CYP24A1: variants seen among roughly 807,000 people sequenced by gnomAD.
The protein encoded by CYP24A1 is cytochrome P450 family 24 subfamily A member 1.
A neutral mutation model predicts 62.4 loss-of-function variants in CYP24A1; 68 were observed. That is an observed-to-expected ratio of 1.09 (90% CI 0.90 to 1.33). The LOEUF (loss-of-function observed/expected upper bound fraction) is 1.33, where lower values mean the gene tolerates loss of function less well. Ranked by LOEUF, CYP24A1 falls within the 40% of genes most tolerant of loss-of-function variation. The probability of loss-of-function intolerance (pLI) is 0.00; values close to 1 mark genes in which losing one functional copy is unlikely to be tolerated. For missense variants in CYP24A1, 787 were observed against 653.0 expected (o/e 1.21, Z -2.24); for synonymous variants, 267 against 253.0 (o/e 1.06, Z -0.52).
chr20:54,161,288 G>A (rs938653013), intron 7 of CYP24A1, among the ~76,000 whole-genome samples: 3 of 152,182 alleles, frequency 2.0e-5, no homozygotes, highest in Non-Finnish European at 4.4e-5. Flanking sequence ...TTATTCCAGA[G>A]TCAGCTCCAG....
intron 3 of CYP24A1, among the ~76,000 whole-genome samples, chr20:54,171,309 TTC>T: frequency 6.6e-6 from 1 of 151,862 alleles, no homozygotes; most frequent in African/African-American, 2.4e-5. Flanking sequence ...AAAGCTGGGG[TTC>T]AAATCCAGGG....
intron 2 of CYP24A1, among the ~76,000 whole-genome samples, chr20:54,172,540 T>C (rs1408242425): frequency 1.3e-5 from 2 of 152,196 alleles, no homozygotes; most frequent in Admixed American, 1.3e-4. Flanking sequence ...CAGGGAGTTT[T>C]AAGGGATAAT....
At chr20:54,169,555 T>C (rs2146501842) in intron 4 of CYP24A1, 37 bp downstream of exon 4, 1 of 1,613,780 alleles carries the variant, frequency 6.2e-7, no homozygotes, top group East Asian at 2.2e-5. Flanking sequence ...CAAAATCACC[T>C]GCAAAATCAG....
chr20:54,168,991 G>A (rs371752782), intron 4 of CYP24A1, among the ~76,000 whole-genome samples: 27 of 151,798 alleles, frequency 1.8e-4, no homozygotes, highest in Non-Finnish European at 3.1e-4. Flanking sequence ...TCAGCGTCCC[G>A]GGGTCAAGCA....
downstream of CYP24A1, among the ~76,000 whole-genome samples, chr20:54,151,668 G>T (rs1222800945): frequency 6.6e-6 from 1 of 151,954 alleles, no homozygotes; most frequent in African/African-American, 2.4e-5. Context: ...TGCCTCAGGA[G>T]AATCTGCCTT....
chr20:54,166,115 G>A (rs1045471382), intron 4 of CYP24A1, among the ~76,000 whole-genome samples: 1 of 152,102 alleles, frequency 6.6e-6, no homozygotes, highest in African/African-American at 2.4e-5. Flanking sequence ...GAGATCCAGG[G>A]GCCCTAGCAA....
At chr20:54,157,126 T>C in intron 11 of CYP24A1, 43 bp downstream of exon 11, 1 of 959,830 alleles carries the variant, frequency 1.0e-6, no homozygotes, top group Non-Finnish European at 1.7e-6. Flanking sequence ...CCCTCGTCAT[T>C]CTCACTACCT....
chr20:54,143,574 A>G, the CYP24A1 span, among the ~76,000 whole-genome samples: 1 of 152,100 alleles, frequency 6.6e-6, no homozygotes, highest in Non-Finnish European at 1.5e-5. Context: ...TTTTATTTCC[A>G]TAGGTTTTTG....
rs2092636569 is a variant in CYP24A1, at chr20:54,158,147, G to GGTAC, written c.1171_1174dup (p.Pro392ArgfsTer9). 1 of 1,613,960 alleles carries GGTAC rather than the reference G, an allele frequency of 6.2e-7. No individual in the cohort carries two copies. Among genetic ancestry groups the GGTAC allele is most frequent in the Admixed American group, 1.7e-5 (1 of 60,026 alleles). ...CTTGTCAAGAGTCCGAGTTGTAAAT[G>GGTAC]GTACACTCGGCGTAAGCCTGAAAAG... On this transcript the variant is annotated frameshift_variant, in exon 9 of 12. Transcript: ENST00000216862. LOFTEE classifies it high-confidence loss of function.
intron 11 of CYP24A1, 92 bp from the exon 12 acceptor site, chr20:54,154,853 G>A (rs1453526886): frequency 6.8e-6 from 1 of 146,018 alleles, no homozygotes; most frequent in Non-Finnish European, 1.5e-5. Flanking sequence ...GTTGTATGGT[G>A]TGGTGTTTGA....
At position 54,158,131 on chromosome 20, in the gene CYP24A1, A is replaced by C. The variant is rs781092271; in HGVS notation, c.1191T>G (p.Thr397=). The stretch of plus-strand genomic sequence containing the variant: ...CACCCAGAACTGTTGCCTTGTCAAG[A>C]GTCCGAGTTGTAAATGGTACACTCG... ...LTPSVPFTTR[T]LDKATVLGEY... Residue 397 remains threonine, a synonymous_variant, in exon 9 of 12, where the codon ACT becomes ACG. Transcript: ENST00000216862. 1 of 1,614,098 alleles carries C rather than the reference A, an allele frequency of 6.2e-7. No homozygotes were observed.
intron 7 of CYP24A1, among the ~76,000 whole-genome samples, chr20:54,160,627 A>G (rs1487435309): frequency 6.6e-6 from 1 of 152,238 alleles, no homozygotes; most frequent in Non-Finnish European, 1.5e-5. Context: ...TCTAATTTAC[A>G]AAACAGGAAG....
rs757992155 is a variant in CYP24A1 at position 54,173,622 on chromosome 20, G to A, written c.-43C>T. The A allele has an allele frequency of 2.0e-6, 3 of 1,479,494 alleles. No homozygotes were observed. In the South Asian group the frequency reaches 3.6e-5, roughly 18 times the overall value. 91.6% of individuals were successfully genotyped at this position (1,479,494 alleles called of 1,614,324 possible). A position where few individuals can be genotyped will look rare whatever the true frequency, so the allele number is the denominator to read the frequency against. Reference sequence around the variant, plus strand: ...GAGCGCGGGAAGGCAGGAGGATGGGGTGGGGCGAGGTTGGTACGAGGTGCT... The same window carrying A: ...GAGCGCGGGAAGGCAGGAGGATGGGATGGGGCGAGGTTGGTACGAGGTGCT... On this transcript the variant is annotated 5_prime_UTR_variant, in exon 1 of 12. Transcript: ENST00000216862. The surrounding 1 kb of genome is among the most constrained non-coding windows in gnomAD (Gnocchi z 7.2).
chr20:54,162,237 T>TTG (rs2092653635), intron 7 of CYP24A1, among the ~76,000 whole-genome samples: 1 of 133,572 alleles, frequency 7.5e-6, no homozygotes, highest in Non-Finnish European at 1.7e-5. Context: ...TTTTTTTTTT[T>TTG]TTTTTTTTTT....
rs1340834453 is a variant in CYP24A1 at position 54,153,987 on chromosome 20, A to C, written c.*785T>G. 1 of 152,166 alleles carries C rather than the reference A, an allele frequency of 6.6e-6. No individual in the cohort carries two copies. The highest frequency in any genetic ancestry group is 1.5e-5 in the Non-Finnish European group (1 of 68,032). The allele number at this position is 152,166 out of a possible 1,614,324, so 9.4% of individuals were successfully genotyped here. ...AACATTGCCCTGCACCACAGATCCT[A>C]AATCAAGTACTGCAAATATTAAAAA... On this transcript the variant is annotated 3_prime_UTR_variant, in exon 12 of 12. Coordinates refer to ENST00000216862, the MANE Select transcript of CYP24A1 (RefSeq NM_000782.5).
intron 6 of CYP24A1, 90 bp from the exon 7 acceptor site, chr20:54,162,952 G>T: frequency 1.3e-6 from 1 of 786,166 alleles, no homozygotes; most frequent in Non-Finnish European, 2.3e-6. Flanking sequence ...ACTCCTTCTT[G>T]CAATATCTAA....
chr20:54,149,563 T>G (rs933354349), downstream of CYP24A1, among the ~76,000 whole-genome samples: 3 of 151,552 alleles, frequency 2.0e-5, no homozygotes, highest in Non-Finnish European at 4.4e-5. Context: ...AAGGAGGAAA[T>G]GGAGAGATCA....
intron 4 of CYP24A1, among the ~76,000 whole-genome samples, chr20:54,168,294 A>T (rs2092679723): frequency 6.6e-6 from 1 of 152,130 alleles, no homozygotes; most frequent in Admixed American, 6.5e-5. Flanking sequence ...CTTTATTTCC[A>T]GAGTAATCTT....
rs35873579 is a variant in CYP24A1, at chr20:54,171,651, G to T, written c.469C>A (p.Arg157=). Residue 157 remains arginine, a synonymous_variant, in exon 3 of 12, where the codon CGG becomes AGG. Transcript: ENST00000216862. ...LLILEGEDWQ[R]VRSAFQKKLM... ...TTCTTTTGAAAGGCACTCCGGACCCGCTGCCAGTCTTCCCCTTCCCTGTGA... is the reference window on the plus strand; with the variant it reads ...TTCTTTTGAAAGGCACTCCGGACCCTCTGCCAGTCTTCCCCTTCCCTGTGA... 0.022 allele frequency: 36,007 copies of T among 1,613,754 alleles called. 486 individuals are homozygous for T. The highest frequency in any genetic ancestry group is 0.034 in the Middle Eastern group (203 of 6,056).
Sources: gnomAD v4.1 joint callset for allele counts (sites outside exome capture counted in the v4.1 genomes callset) on GRCh38, gnomAD v4.1.1 for gene constraint, Gnocchi (gnomAD v3.1) non-coding constraint, MANE v1.5 for transcripts, NCBI Gene and HGNC (gene_info 2026-07-23, HGNC 2026-07-21) for gene names.